Variants in ARHGEF38 observed in about 807,000 individuals in gnomAD.
ARHGEF38 encodes the protein Rho guanine nucleotide exchange factor (GEF) 38.
A neutral mutation model predicts 79.9 loss-of-function variants in ARHGEF38; 79 were observed. That is an observed-to-expected ratio of 0.99 (90% confidence interval 0.82 to 1.19). ARHGEF38 has a LOEUF of 1.19. ARHGEF38 is among the 50% of genes most tolerant of loss of function. ARHGEF38 has a pLI of 0.00. For synonymous variants in ARHGEF38, 366 were observed against 328.3 expected, an observed-to-expected ratio of 1.11 and a Z score of -1.24; for missense variants, 962 against 907.2, an observed-to-expected ratio of 1.06 and a Z score of -0.78.
intron 1 of ARHGEF38, among the ~76,000 whole-genome samples, chr4:105,580,138 G>GTCTA (rs1726714670): frequency 6.6e-6 from 1 of 151,898 alleles, no homozygotes; most frequent in Admixed American, 6.6e-5. Context: ...CTAGCTAGCA[G>GTCTA]TCTATCTTAT....
At chr4:105,661,625 T>C (rs1270100442) in intron 10 of ARHGEF38, among the ~76,000 whole-genome samples, 2 of 151,910 alleles carry the variant, frequency 1.3e-5, no homozygotes, top group African/African-American at 2.4e-5. Context: ...TAATAACTTC[T>C]ATACATTAAA....
chr4:105,558,813 G>A (rs931773101), intron 1 of ARHGEF38, among the ~76,000 whole-genome samples: 5 of 129,836 alleles, frequency 3.9e-5, no homozygotes. Flanking sequence ...ATTTCTAGTT[G>A]TGCTTTTTTT....
At chr4:105,666,426 A>G (rs1166324924) in intron 11 of ARHGEF38, 106 bp downstream of exon 11, 2 of 1,172,514 alleles carry the variant, frequency 1.7e-6, no homozygotes, top group South Asian at 2.0e-5. Context: ...CTAATATCCT[A>G]TAATTTACAT....
At position 105,654,356 on chromosome 4, in the gene ARHGEF38, C is replaced by G. The variant is rs554397383; in HGVS notation, c.1113+187C>G. On this transcript the variant is annotated intron_variant, in intron 8 of 13. Coordinates refer to ENST00000420470, the MANE Select transcript of ARHGEF38 (RefSeq NM_001242729.2). ...ATATAGAGGTGTTTTGCTGTTTGAC[C>G]TCTTACCTGCTCCACTCTCTCCCCA... Among the ~76,000 whole-genome samples, 7 of 152,240 alleles carry G rather than the reference C, an allele frequency of 4.6e-5. No individual in the cohort carries two copies. In the South Asian group the frequency reaches 1.2e-3, roughly 27 times the overall value.
At chr4:105,620,218 G>T (rs1183241308) in intron 3 of ARHGEF38, among the ~76,000 whole-genome samples, 1 of 152,158 alleles carries the variant, frequency 6.6e-6, no homozygotes, top group African/African-American at 2.4e-5. Flanking sequence ...ATGAAATGTG[G>T]CTCTTGTTTC....
intron 3 of ARHGEF38, among the ~76,000 whole-genome samples, chr4:105,624,782 A>G (rs943149507): frequency 6.6e-6 from 1 of 152,192 alleles, no homozygotes; most frequent in African/African-American, 2.4e-5. Flanking sequence ...TCCAAGGAGG[A>G]TAAGAAGACC....
chr4:105,649,369 G>A (rs1729994085), intron 7 of ARHGEF38, among the ~76,000 whole-genome samples: 1 of 152,102 alleles, frequency 6.6e-6, no homozygotes, highest in Non-Finnish European at 1.5e-5. Flanking sequence ...CAGATTCTAG[G>A]GTTCCACTTG....
intron 2 of ARHGEF38, among the ~76,000 whole-genome samples, chr4:105,608,157 T>A (rs1728135043): frequency 1.3e-5 from 2 of 152,094 alleles, no homozygotes; most frequent in African/African-American, 4.8e-5. Context: ...TTTTCCATAA[T>A]GGCTGTACTA....
chr4:105,657,054 T>C (rs1730361847), intron 9 of ARHGEF38, among the ~76,000 whole-genome samples: 1 of 149,990 alleles, frequency 6.7e-6, no homozygotes, highest in Non-Finnish European at 1.5e-5. Flanking sequence ...AGATAGATGA[T>C]AGATAGATAG....
In ARHGEF38 at chr4:105,575,013, TACACAC is replaced by T. The variant is rs3056772; in HGVS notation, c.197-14216_197-14211del. Among the ~76,000 whole-genome samples the T allele has an allele frequency of 2.1e-3, 307 of 149,402 alleles. 2 individuals are homozygous for T. Among genetic ancestry groups the T allele is most frequent in the Middle Eastern group, 0.01 (3 of 288 alleles). ...ATGTACACACATACACACACATATATACACACACACACACACACACACACCATATTT... is the reference window on the plus strand; with the variant it reads ...ATGTACACACATACACACACATATATACACACACACACACACACCATATTT... On this transcript the variant is annotated intron_variant, in intron 1 of 13. Transcript: ENST00000420470.
At chr4:105,626,469 G>GA (rs1728951139) in intron 3 of ARHGEF38, among the ~76,000 whole-genome samples, 1 of 152,134 alleles carries the variant, frequency 6.6e-6, no homozygotes, top group Non-Finnish European at 1.5e-5. Context: ...TTTTACAGAT[G>GA]AGGAAATTAA....
At chr4:105,599,229 T>C (rs1253828484) in intron 2 of ARHGEF38, among the ~76,000 whole-genome samples, 1 of 152,190 alleles carries the variant, frequency 6.6e-6, no homozygotes, top group Non-Finnish European at 1.5e-5. Context: ...AGTTTTATGA[T>C]AGAAACTGTC....
Position 105,654,095 on chromosome 4 carries a change from A to G in ARHGEF38, c.1039A>G (p.Lys347Glu), listed in dbSNP as rs1160321004. The G allele has an allele frequency of 1.3e-6, 2 of 1,514,470 alleles. No individual in the cohort carries two copies. The highest frequency in any genetic ancestry group is 8.8e-7 in the Non-Finnish European group (1 of 1,132,200). 93.8% of individuals were successfully genotyped at this position (1,514,470 alleles called of 1,614,324 possible). Residue 347 changes from lysine to glutamate, a missense_variant, in exon 8 of 14, where the codon AAG becomes GAG. Lys to Glu is a moderately conservative substitution (Grantham distance 56). Coordinates refer to ENST00000420470, the MANE Select transcript of ARHGEF38 (RefSeq NM_001242729.2). The stretch of plus-strand genomic sequence containing the variant: ...AGACAATACCTTTAACAGAGAAGAA[A>G]AGCTGTTTAGAGCTTTAGAAAAGAC... ...VKDNTFNREE[K>E]LFRALEKTVR...
At position 105,680,029 on chromosome 4, in the gene ARHGEF38, ATTC is replaced by A. The variant is rs1321579147; in HGVS notation, c.*2099_*2101del. 3 of 930,076 alleles carry A rather than the reference ATTC, an allele frequency of 3.2e-6. No homozygotes were observed. The highest frequency in any genetic ancestry group is 5.3e-6 in the Non-Finnish European group (3 of 561,588). The allele number at this position is 930,076 out of a possible 1,614,324, so 57.6% of individuals were successfully genotyped here. ...GCGGATTCATGGCCATGTCAGTTAC[ATTC>A]TTCTTCGTCTCACAGAAAATAATAG... On this transcript the variant is annotated 3_prime_UTR_variant, in exon 14 of 14. Transcript: ENST00000420470.
chr4:105,666,700 C>T (rs1467628921), intron 11 of ARHGEF38, among the ~76,000 whole-genome samples: 4 of 152,070 alleles, frequency 2.6e-5, no homozygotes, highest in East Asian at 1.9e-4. Context: ...TCTTAGGGCC[C>T]GAGCTGAGGG....
At chr4:105,631,506 G>T in intron 4 of ARHGEF38, 3 of 985,434 alleles carry the variant, frequency 3.0e-6, no homozygotes, top group Non-Finnish European at 3.6e-6. Context: ...GACAAGTCAG[G>T]CCTTGTTAAA....
chr4:105,659,393 C>A, intron 10 of ARHGEF38, 28 bp downstream of exon 10: 2 of 1,513,230 alleles, frequency 1.3e-6, no homozygotes, highest in Non-Finnish European at 1.8e-6. Flanking sequence ...ACCTAGCTAG[C>A]TACCTTGGCC....
downstream of ARHGEF38, chr4:105,682,486 A>T (rs1731345135): frequency 2.6e-6 from 1 of 388,206 alleles, no homozygotes; most frequent in African/African-American, 2.0e-5. Flanking sequence ...TGAAGATCTC[A>T]TTGAGAACCA....
At chr4:105,590,400 C>A (rs186324483) in intron 2 of ARHGEF38, among the ~76,000 whole-genome samples, 1 of 152,144 alleles carries the variant, frequency 6.6e-6, no homozygotes, top group African/African-American at 2.4e-5. Context: ...AGAAATTCCA[C>A]GGTCAAAGAA....
Sources: allele counts gnomAD v4.1 joint callset (sites outside exome capture counted in the v4.1 genomes callset), GRCh38; gene constraint gnomAD v4.1.1; transcripts MANE v1.5; gene names NCBI Gene and HGNC (gene_info 2026-07-23, HGNC 2026-07-21).